AGAP3: variants seen among roughly 807,000 people sequenced by gnomAD.
AGAP3 encodes ArfGAP with GTPase domain, ankyrin repeat and PH domain 3.
AGAP3 carries 24 observed loss-of-function variants against 96.9 expected under a neutral mutation model. The ratio of observed to expected loss-of-function variants is 0.25; its 90% confidence interval spans 0.18 to 0.35. AGAP3 has a LOEUF of 0.35. AGAP3 is among the 10% of genes least tolerant of loss of function. The pLI is 1.00. For synonymous variants in AGAP3, 563 were observed against 536.1 expected (o/e 1.05, Z -0.69); for missense variants, 876 against 1,254.2 (o/e 0.70, Z 4.55).
At chr7:151,136,119 G>A (rs1432418033) in intron 11 of AGAP3, 1 of 152,354 alleles carries the variant, frequency 6.6e-6, no homozygotes, top group Non-Finnish European at 1.5e-5. Flanking sequence ...CAGAGCTGCG[G>A]GGAGCCCTCT....
At chr7:151,138,706 G>A (rs554197710) in intron 12 of AGAP3, among the ~76,000 whole-genome samples, 4 of 152,178 alleles carry the variant, frequency 2.6e-5, no homozygotes, top group Non-Finnish European at 4.4e-5. Context: ...TCAGCCTCTC[G>A]GCAGGGGGAC....
At chr7:151,090,404 T>A in intron 1 of AGAP3, 1 of 107,890 alleles carries the variant, frequency 9.3e-6, no homozygotes, top group African/African-American at 5.2e-5. Flanking sequence ...TTTTTTTTTT[T>A]TAAACAGTTA....
Position 151,108,937 on chromosome 7 carries a change from G to C in AGAP3, c.332-7856G>C, listed in dbSNP as rs991317627. ...TCGGACCTCCTCAGAAAACACCTGT[G>C]TGTTCTTCCCAGTATGCACTAGCTT... On this transcript the variant is annotated intron_variant, in intron 1 of 17. Coordinates refer to ENST00000397238, the MANE Select transcript of AGAP3 (RefSeq NM_031946.7). This position sits in a 1 kb window ranked among gnomAD's most constrained non-coding sequence, Gnocchi z 4.2. Among the ~76,000 whole-genome samples the C allele has an allele frequency of 6.6e-6, 1 of 152,210 alleles. No homozygotes were observed. Among genetic ancestry groups the C allele is most frequent in the African/African-American group, 2.4e-5 (1 of 41,466 alleles).
At chr7:151,131,512 G>A (rs1333643513) in intron 10 of AGAP3, among the ~76,000 whole-genome samples, 1 of 152,166 alleles carries the variant, frequency 6.6e-6, no homozygotes, top group Non-Finnish European at 1.5e-5. Flanking sequence ...CATGCTCCCC[G>A]TTCTGCTGAC....
chr7:151,138,378 G>C (rs1800688721), intron 12 of AGAP3, 65 bp downstream of exon 12: 1 of 1,505,438 alleles, frequency 6.6e-7, no homozygotes, highest in South Asian at 1.3e-5. Context: ...GAGGGGAACT[G>C]GGCAGCATTC....
rs1038329931 is a variant in AGAP3 at position 151,123,485 on chromosome 7, T to A, written c.1129-309T>A. 95 of 1,194,476 alleles carry A rather than the reference T, an allele frequency of 8.0e-5. No individual in the cohort carries two copies. The African/African-American group carries it at 9.7e-4, about 12-fold the overall frequency. The allele number at this position is 1,194,476 out of a possible 1,614,324, so 74.0% of individuals were successfully genotyped here. On this transcript the variant is annotated intron_variant, in intron 8 of 17. Transcript: ENST00000397238. ...CCGACCAGCAGCCCCACCGTCCACC[T>A]CCTCGCCCCCGCTTCTCTTACGCCC...
chr7:151,121,764 C>T (rs1329997517), intron 8 of AGAP3, among the ~76,000 whole-genome samples: 1 of 152,216 alleles, frequency 6.6e-6, no homozygotes, highest in Non-Finnish European at 1.5e-5. Flanking sequence ...TCTGTGGTGA[C>T]CTCACTTGCA....
At chr7:151,115,099 G>A in intron 1 of AGAP3, 2 of 1,028,556 alleles carry the variant, frequency 1.9e-6, no homozygotes, top group Non-Finnish European at 2.3e-6. Flanking sequence ...GCGCCGACCC[G>A]GCGCAGCCGC....
In AGAP3 at chr7:151,118,438, G is replaced by A; in HGVS notation, c.842-67G>A. The A allele has an allele frequency of 1.2e-6, 2 of 1,601,164 alleles. No homozygotes were observed. Among genetic ancestry groups the A allele is most frequent in the Non-Finnish European group, 1.7e-6 (2 of 1,169,802 alleles). Reference sequence around the variant, plus strand: ...GTGAGAGCAAGGCTGTGTGTCTGGGGGGAGGTGCTAAGCCAGGCTTTTCCC... The same window carrying A: ...GTGAGAGCAAGGCTGTGTGTCTGGGAGGAGGTGCTAAGCCAGGCTTTTCCC... On this transcript the variant is annotated intron_variant, in intron 6 of 17. Coordinates refer to ENST00000397238, the MANE Select transcript of AGAP3 (RefSeq NM_031946.7). The surrounding 1 kb of genome is among the most constrained non-coding windows in gnomAD (Gnocchi z 6.1).
chr7:151,129,032 C>A (rs1199580278), intron 10 of AGAP3, among the ~76,000 whole-genome samples: 1 of 151,984 alleles, frequency 6.6e-6, no homozygotes, highest in East Asian at 1.9e-4. Context: ...GCTTCTGGGC[C>A]TGGGATGGTG....
chr7:151,113,687 A>T (rs539815613), intron 1 of AGAP3, among the ~76,000 whole-genome samples: 199 of 152,326 alleles, frequency 1.3e-3, no homozygotes, highest in African/African-American at 4.5e-3. Flanking sequence ...TGAGGCAGCC[A>T]GTGGTTTCTG....
At chr7:151,128,235 C>A (rs1208988208) in intron 9 of AGAP3, 3 of 268,070 alleles carry the variant, frequency 1.1e-5, no homozygotes, top group Non-Finnish European at 2.2e-5. Context: ...GCCGTCTATA[C>A]CCCTGACTGT....
At chr7:151,097,228 T>C (rs1798640885) in intron 1 of AGAP3, among the ~76,000 whole-genome samples, 1 of 152,004 alleles carries the variant, frequency 6.6e-6, no homozygotes, top group African/African-American at 2.4e-5. Flanking sequence ...GGCTGGATAA[T>C]TTGTAAAGAA....
At chr7:151,115,346 C>T (rs916589221) in intron 1 of AGAP3, 11 of 1,018,914 alleles carry the variant, frequency 1.1e-5, no homozygotes, top group Non-Finnish European at 1.2e-5. Context: ...GCTTCAGCTT[C>T]CGCCTGCGCC....
Position 151,139,866 on chromosome 7 carries a change from G to C in AGAP3, c.1667-113G>C, listed in dbSNP as rs886538354. The C allele has an allele frequency of 5.6e-6, 6 of 1,080,084 alleles. No individual in the cohort carries two copies. In the African/African-American group the frequency reaches 9.9e-5, roughly 18 times the overall value. The allele number at this position is 1,080,084 out of a possible 1,614,324, so 66.9% of individuals were successfully genotyped here. On this transcript the variant is annotated intron_variant, in intron 12 of 17. Coordinates refer to ENST00000397238, the MANE Select transcript of AGAP3 (RefSeq NM_031946.7). This position sits in a 1 kb window ranked among gnomAD's most constrained non-coding sequence, Gnocchi z 4.9. ...AGAGGTGTCCGTCTGGCTCTCCTGA[G>C]TGTGGCCCAGCTACAGTTGGCAGGA...
At position 151,141,904 on chromosome 7, in the gene AGAP3, A is replaced by G. The variant is rs757781636; in HGVS notation, c.1811A>G (p.Glu604Gly). ...DGPSSATEEAEESFEFVVVSL... is the reference protein window; with the variant it reads ...DGPSSATEEAGESFEFVVVSL... Reference sequence around the variant, plus strand: ...ATAAACACCCCCCCAACAGAGGCAGAGGAGTCGTTTGAATTTGTGGTGGTG... The same window carrying G: ...ATAAACACCCCCCCAACAGAGGCAGGGGAGTCGTTTGAATTTGTGGTGGTG... The change falls in exon 14 of 18, where the codon GAG becomes GGG. Residue 604 changes from glutamate (E) to glycine (G), a missense_variant. Physicochemically the swap from Glu to Gly is moderately conservative, Grantham distance 98. This residue lies in a region of AGAP3 where 103 missense variants were observed against 183.0 expected (regional missense o/e 0.56). Transcript: ENST00000397238. The surrounding 1 kb of genome is among the most constrained non-coding windows in gnomAD (Gnocchi z 4.2). 4 of 1,614,126 alleles carry G rather than the reference A, an allele frequency of 2.5e-6. No homozygotes were observed. In the Admixed American group the frequency reaches 5.0e-5, roughly 20 times the overall value.
intron 9 of AGAP3, among the ~76,000 whole-genome samples, chr7:151,125,156 C>T (rs1451222762): frequency 2.0e-5 from 3 of 152,234 alleles, no homozygotes; most frequent in Admixed American, 6.5e-5. Flanking sequence ...CTGCTTTGGG[C>T]GTAGGCTCCT....
At chr7:151,135,603 G>A (rs1161571969) in intron 11 of AGAP3, among the ~76,000 whole-genome samples, 2 of 152,180 alleles carry the variant, frequency 1.3e-5, no homozygotes, top group Non-Finnish European at 2.9e-5. Flanking sequence ...GCCTCCAGGT[G>A]TGGTCCTTGT....
rs778652351 is a variant in AGAP3, at chr7:151,140,299, GTTC to G, written c.1804+188_1804+190del. 184 of 638,388 alleles carry G rather than the reference GTTC, an allele frequency of 2.9e-4. No homozygotes were observed. The highest frequency in any genetic ancestry group is 2.9e-3 in the Middle Eastern group (6 of 2,082). 39.5% of individuals were successfully genotyped at this position (638,388 alleles called of 1,614,324 possible). On this transcript the variant is annotated intron_variant, in intron 13 of 17. Coordinates refer to ENST00000397238, the MANE Select transcript of AGAP3 (RefSeq NM_031946.7). The surrounding 1 kb of genome is among the most constrained non-coding windows in gnomAD (Gnocchi z 5.4). Reference sequence around the variant, plus strand: ...AATCTAGACCTGGTATCTTAGAAAAGTTCTTCTGATAACTGAAACCCTTTCTGT... The same window carrying G: ...AATCTAGACCTGGTATCTTAGAAAAGTTCTGATAACTGAAACCCTTTCTGT...
Sources: allele counts gnomAD v4.1 joint callset (sites outside exome capture counted in the v4.1 genomes callset), GRCh38; gene constraint gnomAD v4.1.1; regional missense constraint gnomAD v4.1.1; non-coding constraint Gnocchi (gnomAD v3.1); transcripts MANE v1.5; gene names NCBI Gene and HGNC (gene_info 2026-07-23, HGNC 2026-07-21).